The following TMEM132D variants were observed in gnomAD, a reference collection of about 807,000 sequenced individuals.
TMEM132D encodes mature OL transmembrane protein.
A neutral mutation model predicts 62.3 loss-of-function variants in TMEM132D; 21 were observed. The ratio of observed to expected loss-of-function variants is 0.34; its 90% CI spans 0.24 to 0.49. TMEM132D has a LOEUF of 0.49. TMEM132D is among the 20% of genes least tolerant of loss of function. The pLI, the probability that TMEM132D is intolerant of heterozygous loss-of-function variation, is 0.99. For missense variants in TMEM132D, 1,346 were observed against 1,402.8 expected, an observed-to-expected ratio of 0.96 and a Z score of 0.65; for synonymous variants, 621 against 575.6, an observed-to-expected ratio of 1.08 and a Z score of -1.13.
At chr12:129,251,681 C>T (rs74322448) in intron 4 of TMEM132D, among the ~76,000 whole-genome samples, 2,785 of 152,280 alleles carry the variant, frequency 0.018, 38 homozygotes, top group Middle Eastern at 0.037. Context: ...CCTCTTCTTT[C>T]GGGCCACAAA....
In TMEM132D at chr12:129,209,616, G is replaced by A. The variant is rs189348668; in HGVS notation, c.1347C>T (p.Ala449=). Residue 449 remains alanine (A), a synonymous_variant, in exon 5 of 9, where the codon GCC becomes GCT. Transcript: ENST00000422113. The stretch of plus-strand genomic sequence containing the variant: ...CCACGGAGACCACTTTCACCGGGAC[G>A]GCCACCGTCTTCCCCGTGAGGATGG... ...NTAILTGKTV[A]VPVKVVSVED... 3.2e-5 allele frequency: 52 copies of A among 1,614,158 alleles called. No individual in the cohort carries two copies. The highest frequency in any genetic ancestry group is 4.5e-5 in the East Asian group (2 of 44,866).
At chr12:129,799,287 CA>C (rs1871668271) in intron 1 of TMEM132D, among the ~76,000 whole-genome samples, 1 of 135,126 alleles carries the variant, frequency 7.4e-6, no homozygotes, top group South Asian at 2.3e-4. Flanking sequence ...GTCTCAAAAA[CA>C]AACAAACAAA....
chr12:129,255,333 C>T (rs1880372212), intron 4 of TMEM132D, among the ~76,000 whole-genome samples: 1 of 152,074 alleles, frequency 6.6e-6, no homozygotes, highest in Admixed American at 6.6e-5. Flanking sequence ...CACAGAACAC[C>T]CAGCTCAAGC....
At chr12:129,128,511 C>G (rs756171594) in intron 5 of TMEM132D, among the ~76,000 whole-genome samples, 3 of 152,132 alleles carry the variant, frequency 2.0e-5, no homozygotes, top group Non-Finnish European at 2.9e-5. Flanking sequence ...ATGAAAACAG[C>G]TTGGGGAAAA....
intron 1 of TMEM132D, among the ~76,000 whole-genome samples, chr12:129,815,200 A>G (rs752952317): frequency 1.3e-5 from 2 of 152,212 alleles, no homozygotes; most frequent in Non-Finnish European, 2.9e-5. Flanking sequence ...CATGTGATGG[A>G]TTCATACGCA....
At chr12:129,147,168 G>A (rs1330738209) in intron 5 of TMEM132D, among the ~76,000 whole-genome samples, 1 of 151,334 alleles carries the variant, frequency 6.6e-6, no homozygotes, top group Non-Finnish European at 1.5e-5. Flanking sequence ...GAGAATATGT[G>A]TGTGTGTATA....
chr12:129,537,211 A>T (rs953941514), intron 2 of TMEM132D, among the ~76,000 whole-genome samples: 24 of 151,090 alleles, frequency 1.6e-4, no homozygotes, highest in African/African-American at 5.8e-4. Flanking sequence ...TTATGTTTAT[A>T]AACTTTACAG....
intron 5 of TMEM132D, among the ~76,000 whole-genome samples, chr12:129,116,251 C>T (rs1875886525): frequency 6.6e-6 from 1 of 152,124 alleles, no homozygotes; most frequent in Non-Finnish European, 1.5e-5. Flanking sequence ...CATGGTGAGA[C>T]CTTATGGCAT....
intron 2 of TMEM132D, among the ~76,000 whole-genome samples, chr12:129,697,826 T>C (rs797007336): frequency 2.0e-5 from 3 of 152,236 alleles, no homozygotes; most frequent in African/African-American, 7.2e-5. Context: ...TGGACCCTAA[T>C]GGATATGTTT....
At chr12:129,454,637 C>T (rs1873402233) in intron 3 of TMEM132D, among the ~76,000 whole-genome samples, 1 of 152,210 alleles carries the variant, frequency 6.6e-6, no homozygotes, top group South Asian at 2.1e-4. Context: ...AGAAGCCTTG[C>T]ATTTGCATTT....
intron 2 of TMEM132D, among the ~76,000 whole-genome samples, chr12:129,548,398 A>C (rs1343007054): frequency 2.0e-5 from 3 of 152,160 alleles, no homozygotes; most frequent in African/African-American, 7.2e-5. Context: ...AGTATAATAA[A>C]ATCTATTAAT....
intron 1 of TMEM132D, among the ~76,000 whole-genome samples, chr12:129,831,878 T>TTC (rs1872847360): frequency 6.8e-6 from 1 of 146,542 alleles, no homozygotes; most frequent in Non-Finnish European, 1.5e-5. Context: ...TTCTTTTTCT[T>TTC]TTTTTTTTTT....
At chr12:129,463,926 A>T (rs553722955) in intron 3 of TMEM132D, among the ~76,000 whole-genome samples, 18 of 150,358 alleles carry the variant, frequency 1.2e-4, no homozygotes, top group South Asian at 2.2e-4. Flanking sequence ...ATAGTGCCGC[A>T]ATAAACATAC....
intron 2 of TMEM132D, among the ~76,000 whole-genome samples, chr12:129,598,164 T>G (rs2137140439): frequency 6.6e-6 from 1 of 152,358 alleles, no homozygotes. Context: ...GGACAGATTC[T>G]TATAAAATTC....
intron 2 of TMEM132D, among the ~76,000 whole-genome samples, chr12:129,697,472 G>A (rs1881234984): frequency 1.3e-5 from 2 of 152,176 alleles, no homozygotes; most frequent in South Asian, 2.1e-4. Context: ...AGCGTTTTAA[G>A]TATGCAGCAA....
chr12:129,356,147 A>ATTTTTTTTTTTTTTTTT (rs35842499), intron 3 of TMEM132D, among the ~76,000 whole-genome samples: 1 of 36,562 alleles, frequency 2.7e-5, no homozygotes. Flanking sequence ...AACTGAAGGG[A>ATTTTTTTTTTTTTTTTT]TTTTTTTTTT....
At chr12:129,847,003 T>G (rs1384848196) in intron 1 of TMEM132D, among the ~76,000 whole-genome samples, 1 of 152,218 alleles carries the variant, frequency 6.6e-6, no homozygotes, top group African/African-American at 2.4e-5. Context: ...TTACAAAAAA[T>G]TATAAATACT....
At chr12:129,436,954 T>C (rs1872803027) in intron 3 of TMEM132D, among the ~76,000 whole-genome samples, 1 of 152,190 alleles carries the variant, frequency 6.6e-6, no homozygotes, top group African/African-American at 2.4e-5. Flanking sequence ...ACCACATTTA[T>C]ACACAGAACA....
At chr12:129,240,309 A>G (rs1879901249) in intron 4 of TMEM132D, among the ~76,000 whole-genome samples, 1 of 152,174 alleles carries the variant, frequency 6.6e-6, no homozygotes, top group Non-Finnish European at 1.5e-5. Flanking sequence ...TATTGCTAAT[A>G]TAAGTTTGTT....
Sources: allele counts gnomAD v4.1 joint callset (sites outside exome capture counted in the v4.1 genomes callset), GRCh38; gene constraint gnomAD v4.1.1; transcripts MANE v1.5; gene names NCBI Gene and HGNC (gene_info 2026-07-23, HGNC 2026-07-21).